The following PCDH11X variants were observed in gnomAD, a reference collection of about 807,000 sequenced individuals.
The protein encoded by PCDH11X is protocadherin 11 X-linked.
In PCDH11X, 18 loss-of-function variants were observed where a neutral mutation model predicts 53.3. That is an observed-to-expected ratio of 0.34 (90% CI 0.23 to 0.50). The LOEUF (loss-of-function observed/expected upper bound fraction) is 0.50. PCDH11X is among the 20% of genes least tolerant of loss of function. PCDH11X has a pLI of 0.98. For missense variants in PCDH11X, 570 were observed against 1,032.4 expected (o/e 0.55, Z 6.14); for synonymous variants, 279 against 393.3 (o/e 0.71, Z 3.44).
chrX:92,351,286 C>T lies in PCDH11X; in HGVS notation c.3145-36449C>T, dbSNP rs77657534. On this transcript the variant is annotated intron_variant, in intron 8 of 10. Coordinates refer to ENST00000682573, the MANE Select transcript of PCDH11X (RefSeq NM_032968.5). ...GTAGGTTCACAAATAAATCATTCTA[C>T]GTCTCTTTGCTTTCAGAATAAGTCA... is the stretch of plus-strand genomic sequence containing the variant. 2.9e-3 allele frequency among the ~76,000 whole-genome samples: 320 copies of T among 111,844 alleles called. 6 individuals are homozygous for T. The East Asian group carries it at 0.054, about 19-fold the overall frequency.
intron 10 of PCDH11X, among the ~76,000 whole-genome samples, chrX:92,615,792 G>A (rs201490991): frequency 0.22 from 20,495 of 94,018 alleles, 2,039 homozygotes; most frequent in African/African-American, 0.26. Context: ...GTTAGCACCA[G>A]GACTTTAAAG....
rs912971771 is a variant in PCDH11X at position 92,216,570 on chromosome X, G to A, written c.3114+15115G>A. On this transcript the variant is annotated intron_variant, in intron 7 of 10. Coordinates refer to ENST00000682573, the MANE Select transcript of PCDH11X (RefSeq NM_032968.5). ...GACTATGTGAAAAGACCAAATCTAC[G>A]TCTGATTGGTGTACCTGAAAGTGAC... is the stretch of plus-strand genomic sequence containing the variant. Among the ~76,000 whole-genome samples the A allele has an allele frequency of 1.8e-4, 19 of 105,063 alleles. No individual in the cohort carries two copies. The East Asian group carries it at 3.3e-3, about 18-fold the overall frequency. The allele number at this position is 105,063 out of a possible 115,157, so 91.2% of individuals were successfully genotyped here.
At chrX:92,093,265 C>T (rs1429122044) in intron 6 of PCDH11X, among the ~76,000 whole-genome samples, 1 of 111,474 alleles carries the variant, frequency 9.0e-6, no homozygotes, top group East Asian at 2.8e-4. Flanking sequence ...ACGTTTTCAT[C>T]CTCACATGCT....
intron 9 of PCDH11X, among the ~76,000 whole-genome samples, chrX:92,445,245 A>G (rs1225429668): frequency 2.2e-5 from 1 of 46,403 alleles, no homozygotes; most frequent in African/African-American, 7.9e-5. Flanking sequence ...CTATTGATTC[A>G]ATTTTGGAAC....
chrX:91,889,562 C>T (rs1940382495), intron 6 of PCDH11X, among the ~76,000 whole-genome samples: 1 of 112,405 alleles, frequency 8.9e-6, no homozygotes, highest in East Asian at 2.8e-4. Context: ...ATCCACCCGC[C>T]TCAGCCTCCC....
At chrX:91,946,932 TG>T (rs1284916440) in intron 6 of PCDH11X, among the ~76,000 whole-genome samples, 1 of 106,979 alleles carries the variant, frequency 9.3e-6, no homozygotes, top group Non-Finnish European at 1.9e-5. Flanking sequence ...CCTGGTTACA[TG>T]CTTCAATTCT....
intron 6 of PCDH11X, among the ~76,000 whole-genome samples, chrX:92,150,381 C>T (rs1279495811): frequency 9.1e-6 from 1 of 109,664 alleles, no homozygotes; most frequent in Non-Finnish European, 1.9e-5. Flanking sequence ...TATTTTTCAT[C>T]CATTTTTTTT....
chrX:92,489,257 C>T (rs904618180), intron 10 of PCDH11X, among the ~76,000 whole-genome samples: 90 of 109,006 alleles, frequency 8.3e-4, no homozygotes, highest in Non-Finnish European at 1.5e-3. Flanking sequence ...CTGCTTTACT[C>T]CTATGTCCAA....
At chrX:92,089,715 G>T (rs1200128648) in intron 6 of PCDH11X, among the ~76,000 whole-genome samples, 1 of 104,547 alleles carries the variant, frequency 9.6e-6, no homozygotes, top group Admixed American at 1.1e-4. Context: ...TAGAGACAGG[G>T]TTTCATCATA....
chrX:92,331,973 T>G (rs778501658), intron 8 of PCDH11X, among the ~76,000 whole-genome samples: 1 of 111,842 alleles, frequency 8.9e-6, no homozygotes, highest in Non-Finnish European at 1.9e-5. Flanking sequence ...CTCAATGTAG[T>G]GTTCCATGAA....
chrX:92,421,535 A>G lies in PCDH11X; in HGVS notation c.3343+33602A>G, dbSNP rs775421426. Among the ~76,000 whole-genome samples, 8 of 111,721 alleles carry G rather than the reference A, an allele frequency of 7.2e-5. No individual in the cohort carries two copies. In the East Asian group the frequency reaches 2.3e-3, roughly 32 times the overall value. The stretch of plus-strand genomic sequence containing the variant: ...ATTGATGGGCATTTACGTTGGTTCC[A>G]TGTCTTTGCTATTGTGAATAATGCT... On this transcript the variant is annotated intron_variant, in intron 9 of 10. Transcript: ENST00000682573.
chrX:92,297,763 C>A (rs1338607090), intron 8 of PCDH11X, among the ~76,000 whole-genome samples: 1 of 110,669 alleles, frequency 9.0e-6, no homozygotes, highest in Non-Finnish European at 1.9e-5. Flanking sequence ...AATATTGATT[C>A]TTCCTATCCA....
chrX:92,015,888 C>T (rs981701895), intron 6 of PCDH11X, among the ~76,000 whole-genome samples: 20 of 111,615 alleles, frequency 1.8e-4, no homozygotes, highest in Admixed American at 7.7e-4. Flanking sequence ...TTTCCATTTG[C>T]GTTTCTCAGA....
intron 5 of PCDH11X, among the ~76,000 whole-genome samples, chrX:91,870,968 T>G (rs1939265192): frequency 9.0e-6 from 1 of 111,109 alleles, no homozygotes; most frequent in African/African-American, 3.3e-5. Context: ...TTGGGACATT[T>G]TATTGTAATC....
intron 9 of PCDH11X, among the ~76,000 whole-genome samples, chrX:92,390,049 T>A (rs908151346): frequency 6.3e-5 from 7 of 111,152 alleles, no homozygotes; most frequent in African/African-American, 2.3e-4. Flanking sequence ...AAGCAAAGTA[T>A]ATATTTTGCT....
chrX:91,852,008 C>CTTTT (rs59675485), intron 5 of PCDH11X, among the ~76,000 whole-genome samples: 3 of 94,473 alleles, frequency 3.2e-5, no homozygotes, highest in Admixed American at 1.2e-4. Context: ...ATTAGGAATT[C>CTTTT]TTTTTTTTTT....
intron 10 of PCDH11X, among the ~76,000 whole-genome samples, chrX:92,579,153 C>T (rs1923343473): frequency 1.0e-5 from 1 of 99,487 alleles, no homozygotes; most frequent in South Asian, 4.9e-4. Flanking sequence ...GGTGACCTGG[C>T]CTTTCTCATG....
chrX:91,932,701 C>CGCGT (rs2061403428), intron 6 of PCDH11X, among the ~76,000 whole-genome samples: 1 of 87,339 alleles, frequency 1.1e-5, no homozygotes, highest in Non-Finnish European at 2.3e-5. Context: ...TGTGTGTGTG[C>CGCGT]GCGCGCGCGC....
At chrX:91,997,930 T>A (rs1196699923) in intron 6 of PCDH11X, among the ~76,000 whole-genome samples, 1 of 107,645 alleles carries the variant, frequency 9.3e-6, no homozygotes, top group Non-Finnish European at 1.9e-5. Flanking sequence ...CTATTTCTTT[T>A]CTCGTTTCTT....
Sources: gnomAD v4.1 joint callset for allele counts (sites outside exome capture counted in the v4.1 genomes callset) on GRCh38, gnomAD v4.1.1 for gene constraint, MANE v1.5 for transcripts, NCBI Gene and HGNC (gene_info 2026-07-23, HGNC 2026-07-21) for gene names.